TBC1D32: variants seen among roughly 807,000 people sequenced by gnomAD.
TBC1D32 encodes protein broad-minded.
A neutral mutation model predicts 170.3 loss-of-function variants in TBC1D32; 151 were observed. The observed-to-expected ratio is 0.89, with a 90% CI of 0.78 to 1.01. The LOEUF is 1.01. Ranked by LOEUF, TBC1D32 falls within the 50% of genes least tolerant of loss-of-function variation. TBC1D32 has a pLI of 0.00. For synonymous variants in TBC1D32, 498 were observed against 488.0 expected, an observed-to-expected ratio of 1.02 and a Z score of -0.27; for missense variants, 1,464 against 1,457.1, an observed-to-expected ratio of 1.00 and a Z score of -0.08.
At chr6:121,332,043 G>C (rs1460571670) in intron 1 of TBC1D32, among the ~76,000 whole-genome samples, 2 of 152,208 alleles carry the variant, frequency 1.3e-5, no homozygotes, top group African/African-American at 4.8e-5. Context: ...TATTAACTGT[G>C]CATGTCATGC....
At chr6:121,097,432 A>G (rs1381813848) in intron 30 of TBC1D32, among the ~76,000 whole-genome samples, 1 of 152,190 alleles carries the variant, frequency 6.6e-6, no homozygotes. Flanking sequence ...GCCAACAAAC[A>G]TATGAAAAAA....
intron 22 of TBC1D32, among the ~76,000 whole-genome samples, chr6:121,172,168 G>A (rs1273751): frequency 0.019 from 2,816 of 152,034 alleles, 78 homozygotes; most frequent in African/African-American, 0.064. Context: ...TGATTATGAG[G>A]CCTCCCCAGC....
chr6:121,246,487 C>A (rs1797623703), intron 17 of TBC1D32, among the ~76,000 whole-genome samples: 2 of 151,786 alleles, frequency 1.3e-5, no homozygotes, highest in African/African-American at 4.8e-5. Flanking sequence ...TTCTGTAACA[C>A]CCCCAAAAGG....
intron 27 of TBC1D32, among the ~76,000 whole-genome samples, chr6:121,114,073 C>T (rs1779459493): frequency 6.6e-6 from 1 of 152,100 alleles, no homozygotes; most frequent in African/African-American, 2.4e-5. Context: ...ACTCAGCAGC[C>T]TGAGGCAGGA....
At chr6:121,230,644 G>GAT (rs3076859) in intron 20 of TBC1D32, among the ~76,000 whole-genome samples, 89,731 of 149,522 alleles carry the variant, frequency 0.6, 28,063 homozygotes, top group Non-Finnish European at 0.71. Flanking sequence ...GTATATATCT[G>GAT]ATATATATAT....
chr6:121,152,048 T>G (rs1442663607), intron 24 of TBC1D32, among the ~76,000 whole-genome samples: 2 of 152,234 alleles, frequency 1.3e-5, no homozygotes, highest in East Asian at 3.8e-4. Flanking sequence ...GTCATTATGA[T>G]GCTAGCTGGT....
chr6:121,206,354 C>T (rs1020839438), intron 21 of TBC1D32, among the ~76,000 whole-genome samples: 29 of 152,142 alleles, frequency 1.9e-4, no homozygotes, highest in African/African-American at 7.0e-4. Flanking sequence ...AAGAAACTTG[C>T]TACTCTCCAG....
chr6:121,242,139 G>A, intron 18 of TBC1D32, 62 bp downstream of exon 18: 1 of 1,526,296 alleles, frequency 6.6e-7, no homozygotes, highest in Non-Finnish European at 8.9e-7. Flanking sequence ...ACAGAATGAT[G>A]TTCTTAATGG....
At chr6:121,118,897 C>T (rs916398073) in intron 26 of TBC1D32, among the ~76,000 whole-genome samples, 1 of 152,142 alleles carries the variant, frequency 6.6e-6, no homozygotes, top group Non-Finnish European at 1.5e-5. Flanking sequence ...GTACATGTCT[C>T]AGCCTCCTAA....
chr6:121,101,604 A>G (rs1408571903), intron 30 of TBC1D32, among the ~76,000 whole-genome samples: 4 of 152,174 alleles, frequency 2.6e-5, no homozygotes, highest in African/African-American at 9.7e-5. Context: ...AATAAGAGCT[A>G]TTTATGGAAA....
intron 29 of TBC1D32, 199 bp downstream of exon 29, chr6:121,112,306 T>A (rs1779272750): frequency 2.7e-6 from 1 of 374,886 alleles, no homozygotes; most frequent in Non-Finnish European, 4.6e-6. Context: ...ATCATTCAGT[T>A]ACTATTAGGT....
intron 24 of TBC1D32, among the ~76,000 whole-genome samples, chr6:121,142,881 G>T (rs1782974870): frequency 6.6e-6 from 1 of 152,134 alleles, no homozygotes; most frequent in Admixed American, 6.5e-5. Context: ...GTTCCATACA[G>T]AAGGGAATTA....
chr6:121,190,259 C>T (rs1789809100), intron 22 of TBC1D32, among the ~76,000 whole-genome samples: 1 of 149,956 alleles, frequency 6.7e-6, no homozygotes, highest in Non-Finnish European at 1.5e-5. Context: ...CCTTCCCCCT[C>T]CACCTCATCC....
At chr6:121,321,015 A>C (rs1179453554) in intron 2 of TBC1D32, among the ~76,000 whole-genome samples, 1 of 152,174 alleles carries the variant, frequency 6.6e-6, no homozygotes, top group Non-Finnish European at 1.5e-5. Context: ...GCTACCAGCA[A>C]CTCTGAAGTG....
Position 121,079,507 on chromosome 6 carries a change from G to C in TBC1D32, c.*1264C>G, listed in dbSNP as rs1190917640. Reference sequence around the variant, plus strand: ...AAAAAAGCAGGGTTAGAGTTAGAATGATTTTAATGGTTGATTTATATTTAG... The same window carrying C: ...AAAAAAGCAGGGTTAGAGTTAGAATCATTTTAATGGTTGATTTATATTTAG... On this transcript the variant is annotated 3_prime_UTR_variant, in exon 32 of 32. Coordinates refer to ENST00000398212, the MANE Select transcript of TBC1D32 (RefSeq NM_152730.6). The C allele has an allele frequency of 3.9e-5, 6 of 152,004 alleles. No homozygotes were observed. The highest frequency in any genetic ancestry group is 3.9e-4 in the Admixed American group (6 of 15,250). The allele number at this position is 152,004 out of a possible 1,614,324, so 9.4% of individuals were successfully genotyped here. A position where few individuals can be genotyped will look rare whatever the true frequency, so the allele number is the denominator to read the frequency against.
chr6:121,326,345 T>C (rs1219224454), intron 1 of TBC1D32, among the ~76,000 whole-genome samples: 1 of 152,106 alleles, frequency 6.6e-6, no homozygotes. Context: ...CAGTTTCAAA[T>C]ACCTAGAAGG....
intron 22 of TBC1D32, among the ~76,000 whole-genome samples, chr6:121,178,754 G>A (rs1266774635): frequency 1.3e-5 from 2 of 152,180 alleles, no homozygotes; most frequent in Admixed American, 6.5e-5. Context: ...CTTGTTGGGT[G>A]TCTCCTGTGC....
Position 121,226,406 on chromosome 6 carries a change from C to T in TBC1D32, c.2365-3054G>A, listed in dbSNP as rs566760725. On this transcript the variant is annotated intron_variant, in intron 20 of 31. Transcript: ENST00000398212. The stretch of plus-strand genomic sequence containing the variant: ...AGGCAGGCAGTCAGGCAGAGATGTG[C>T]TACATTAATGAGCAGTATCTTTATC... 3.3e-5 allele frequency among the ~76,000 whole-genome samples: 5 copies of T among 152,116 alleles called. No individual in the cohort carries two copies. The East Asian group carries it at 5.8e-4, about 18-fold the overall frequency.
At chr6:121,311,155 T>C (rs895292859) in intron 3 of TBC1D32, among the ~76,000 whole-genome samples, 5 of 152,174 alleles carry the variant, frequency 3.3e-5, no homozygotes, top group African/African-American at 1.2e-4. Flanking sequence ...AAATGTGAGA[T>C]GAATGAAACA....
Sources: gnomAD v4.1 joint callset for allele counts (sites outside exome capture counted in the v4.1 genomes callset) on GRCh38, gnomAD v4.1.1 for gene constraint, MANE v1.5 for transcripts, NCBI Gene and HGNC (gene_info 2026-07-23, HGNC 2026-07-21) for gene names.